Variants in DMD observed in about 807,000 individuals in gnomAD.
DMD encodes the protein dystrophin.
DMD carries 63 observed loss-of-function variants against 330.1 expected under a neutral mutation model. The observed-to-expected ratio is 0.19, with a 90% CI of 0.16 to 0.24. DMD has a LOEUF of 0.24. DMD is among the 10% of genes least tolerant of loss of function. The pLI is 1.00. For synonymous variants in DMD, 1,223 were observed against 959.8 expected (o/e 1.27, Z -5.07); for missense variants, 3,344 against 2,684.1 (o/e 1.25, Z -5.43).
chrX:32,108,917 G>A (rs369153053), intron 44 of DMD, among the ~76,000 whole-genome samples: 1 of 111,167 alleles, frequency 9.0e-6, no homozygotes, highest in South Asian at 3.7e-4. Context: ...ATAAACATAC[G>A]AATGTTTAAA....
At chrX:31,858,384 C>T (rs1164647997) in intron 48 of DMD, among the ~76,000 whole-genome samples, 1 of 110,746 alleles carries the variant, frequency 9.0e-6, no homozygotes, top group Non-Finnish European at 1.9e-5. Flanking sequence ...TTACTTAAAA[C>T]CCTTCAGAAT....
chrX:32,836,716 G>A (rs1477714494), intron 4 of DMD, among the ~76,000 whole-genome samples: 6 of 111,450 alleles, frequency 5.4e-5, no homozygotes, highest in Non-Finnish European at 1.9e-5. Flanking sequence ...CTTCACAAAT[G>A]TAGTTTTATA....
chrX:31,689,663 A>T (rs1451377990), intron 52 of DMD, among the ~76,000 whole-genome samples: 3 of 111,319 alleles, frequency 2.7e-5, no homozygotes, highest in Non-Finnish European at 5.7e-5. Context: ...CATTGCCAAG[A>T]CAATCCTGAG....
intron 2 of DMD, among the ~76,000 whole-genome samples, chrX:32,881,026 C>A (rs1007639789): frequency 8.9e-6 from 1 of 112,573 alleles, no homozygotes; most frequent in African/African-American, 3.2e-5. Context: ...TTTTAAAAAG[C>A]TAAAAATCTT....
chrX:31,403,257 T>C (rs1268153956), intron 60 of DMD, among the ~76,000 whole-genome samples: 1 of 111,980 alleles, frequency 8.9e-6, no homozygotes, highest in Non-Finnish European at 1.9e-5. Flanking sequence ...GCTTTGTCTA[T>C]ACGGTGCCAA....
intron 43 of DMD, among the ~76,000 whole-genome samples, chrX:32,253,822 C>T (rs1195341229): frequency 9.2e-6 from 1 of 108,727 alleles, no homozygotes; most frequent in Non-Finnish European, 1.9e-5. Context: ...CAGGGTTTCA[C>T]CATATTGGCT....
At chrX:33,098,514 A>G (rs963101932) in intron 1 of DMD, among the ~76,000 whole-genome samples, 2 of 110,983 alleles carry the variant, frequency 1.8e-5, no homozygotes, top group African/African-American at 3.3e-5. Flanking sequence ...CCCTTCTCTT[A>G]AGTAGCACGG....
Position 32,495,390 on chromosome X carries a change from A to C in DMD, c.2381-3872T>G, listed in dbSNP as rs186818761. On this transcript the variant is annotated intron_variant, in intron 19 of 78. Coordinates refer to ENST00000357033, the MANE Select transcript of DMD (RefSeq NM_004006.3). ...TATAAAAATTATGAGACCAATGTAC[A>C]CTGAAGCCAAAAGCCATACACAAAC... Among the ~76,000 whole-genome samples, 5 of 111,938 alleles carry C rather than the reference A, an allele frequency of 4.5e-5. No homozygotes were observed. The East Asian group carries it at 1.4e-3, about 32-fold the overall frequency.
At chrX:32,690,156 C>G (rs761874997) in intron 9 of DMD, among the ~76,000 whole-genome samples, 1 of 109,614 alleles carries the variant, frequency 9.1e-6, no homozygotes, top group African/African-American at 3.3e-5. Flanking sequence ...AATAGAAAAC[C>G]CTAGAATCCA....
At chrX:31,243,283 T>G (rs2048530009) in intron 63 of DMD, among the ~76,000 whole-genome samples, 1 of 112,038 alleles carries the variant, frequency 8.9e-6, no homozygotes, top group Non-Finnish European at 1.9e-5. Context: ...TCTGCATATA[T>G]TTAAAAAATG....
At position 32,441,182 on chromosome X, in the gene DMD, C is replaced by T. The variant is rs1569562561; in HGVS notation, c.3919G>A (p.Asp1307Asn). ...GGAEEISEVLDSLENLMRHSE... is the reference protein window; with the variant it reads ...GGAEEISEVLNSLENLMRHSE... ...ATTTGGCTTAATTTACAACTTACAT[C>T]TAGCACCTCAGAGATTTCCTCAGCT... is the stretch of plus-strand genomic sequence containing the variant. The change falls in exon 28 of 79, where the codon GAT becomes AAT. Residue 1307 changes from aspartate to asparagine, a missense_variant and splice_region_variant. By Grantham distance (23) the Asp-to-Asn change is conservative (BLOSUM62 1). Transcript: ENST00000357033. 2.5e-6 allele frequency: 3 copies of T among 1,208,962 alleles called. No individual in the cohort carries two copies. The highest frequency in any genetic ancestry group is 3.4e-6 in the Non-Finnish European group (3 of 893,494).
chrX:32,098,581 T>C (rs953425208), intron 44 of DMD, among the ~76,000 whole-genome samples: 8 of 112,076 alleles, frequency 7.1e-5, no homozygotes, highest in African/African-American at 2.6e-4. Context: ...TCTCTCTTTC[T>C]ACCCATGTAA....
At chrX:31,720,391 A>C (rs2085378489) in intron 52 of DMD, among the ~76,000 whole-genome samples, 1 of 111,916 alleles carries the variant, frequency 8.9e-6, no homozygotes, top group African/African-American at 3.2e-5. Context: ...GCATGATGCC[A>C]TCAGGGAGTA....
At chrX:32,722,173 G>A (rs1569488064) in intron 7 of DMD, among the ~76,000 whole-genome samples, 6 of 108,243 alleles carry the variant, frequency 5.5e-5, no homozygotes, top group Non-Finnish European at 1.2e-4. Context: ...TTATTTCTGT[G>A]AAAAAAAATG....
In DMD at chrX:33,190,475, CTTTTTTT is replaced by C. The variant is rs1179347488; in HGVS notation, c.31+20800_31+20806del. ...TTTGAAAAAATATTGATCTTTCTTTCTTTTTTTTTTTTTTTTTTTTTTTGAGACGGAG... is the reference window on the plus strand; with the variant it reads ...TTTGAAAAAATATTGATCTTTCTTTCTTTTTTTTTTTTTTTTGAGACGGAG... On this transcript the variant is annotated intron_variant, in intron 1 of 78. Transcript: ENST00000357033. Among the ~76,000 whole-genome samples, 5 of 22,432 alleles carry C rather than the reference CTTTTTTT, an allele frequency of 2.2e-4. 1 individual carries two copies. The highest frequency in any genetic ancestry group is 1.2e-3 in the Admixed American group (2 of 1,661). 19.5% of individuals were successfully genotyped at this position (22,432 alleles called of 115,157 possible).
chrX:32,847,275 A>G (rs977753039), intron 3 of DMD, among the ~76,000 whole-genome samples: 2 of 111,860 alleles, frequency 1.8e-5, no homozygotes, highest in African/African-American at 6.5e-5. Context: ...AGAACCAAAC[A>G]TAGTCTACTC....
intron 24 of DMD, 25 bp from the exon 25 acceptor site, chrX:32,463,619 C>T: frequency 9.1e-7 from 1 of 1,097,551 alleles, no homozygotes; most frequent in Non-Finnish European, 1.2e-6. Context: ...CAATTTAAGC[C>T]AGCTGAAAAA....
At chrX:32,711,061 T>A (rs951504944) in intron 7 of DMD, among the ~76,000 whole-genome samples, 3 of 111,783 alleles carry the variant, frequency 2.7e-5, no homozygotes, top group Admixed American at 9.5e-5. Context: ...CTTCAAAGAC[T>A]AAATAGAGAA....
At chrX:31,423,342 A>G (rs1313657235) in intron 60 of DMD, among the ~76,000 whole-genome samples, 1 of 111,568 alleles carries the variant, frequency 9.0e-6, no homozygotes, top group Admixed American at 9.6e-5. Context: ...ACTTGGTTTA[A>G]AAACACAACA....
Sources: gnomAD v4.1 joint callset for allele counts (sites outside exome capture counted in the v4.1 genomes callset) on GRCh38, gnomAD v4.1.1 for gene constraint, MANE v1.5 for transcripts, NCBI Gene and HGNC (gene_info 2026-07-23, HGNC 2026-07-21) for gene names.